Variants in NRG3 observed in about 807,000 individuals in gnomAD.
The protein encoded by NRG3 is pro-neuregulin-3, membrane-bound isoform.
NRG3 carries 31 observed loss-of-function variants against 66.9 expected under a neutral mutation model. The ratio of observed to expected loss-of-function variants is 0.46; its 90% CI spans 0.35 to 0.63. The LOEUF (loss-of-function observed/expected upper bound fraction) is 0.63, where lower values mean the gene tolerates loss of function less well. Among genes scored for constraint, NRG3 ranks in the 20% least tolerant of loss-of-function variants. NRG3 has a pLI of 0.00. For synonymous variants in NRG3, 393 were observed against 359.4 expected, an observed-to-expected ratio of 1.09 and a Z score of -1.06; for missense variants, 910 against 878.9, an observed-to-expected ratio of 1.04 and a Z score of -0.45.
chr10:82,144,470 C>A (rs1025421355), intron 1 of NRG3, among the ~76,000 whole-genome samples: 2 of 152,120 alleles, frequency 1.3e-5, no homozygotes, highest in Non-Finnish European at 2.9e-5. Context: ...TCATGGCCTC[C>A]CCTTTGGTGA....
chr10:82,562,651 T>TG, intron 2 of NRG3, among the ~76,000 whole-genome samples: 1 of 152,172 alleles, frequency 6.6e-6, no homozygotes, highest in East Asian at 1.9e-4. Context: ...AACCAACTCA[T>TG]GGCTGAATAT....
chr10:82,720,810 C>CATATACATACAT (rs571675177), intron 2 of NRG3, among the ~76,000 whole-genome samples: 3 of 114,740 alleles, frequency 2.6e-5, no homozygotes, highest in African/African-American at 4.4e-5. Context: ...GTATTTTATA[C>CATATACATACAT]ATATATATAT....
intron 4 of NRG3, among the ~76,000 whole-genome samples, chr10:82,892,313 G>A (rs997710696): frequency 2.6e-5 from 4 of 151,976 alleles, no homozygotes; most frequent in African/African-American, 9.7e-5. Context: ...AAATGAAAGA[G>A]GCAAGAGGAA....
At chr10:82,553,452 C>T (rs1364523513) in intron 2 of NRG3, among the ~76,000 whole-genome samples, 1 of 152,076 alleles carries the variant, frequency 6.6e-6, no homozygotes, top group Non-Finnish European at 1.5e-5. Flanking sequence ...CATCCATGAT[C>T]ATTGTGTACC....
At chr10:82,148,821 A>T (rs181963800) in intron 1 of NRG3, among the ~76,000 whole-genome samples, 285 of 152,100 alleles carry the variant, frequency 1.9e-3, no homozygotes, top group Non-Finnish European at 3.6e-3. Flanking sequence ...AATTTCTATG[A>T]CTTTCCTTTT....
At position 82,369,320 on chromosome 10, in the gene NRG3, A is replaced by G. The variant is rs1292697864; in HGVS notation, c.953+10452A>G. Among the ~76,000 whole-genome samples, 2 of 138,128 alleles carry G rather than the reference A, an allele frequency of 1.4e-5. 1 individual carries two copies. Among genetic ancestry groups the G allele is most frequent in the African/African-American group, 6.8e-5 (2 of 29,570 alleles). The allele number at this position is 138,128 out of a possible 152,430, so 90.6% of individuals were successfully genotyped here. On this transcript the variant is annotated intron_variant, in intron 2 of 8. Transcript: ENST00000372141. Reference sequence around the variant, plus strand: ...TTATGTACTCTACTTATTTTTAGAGATAGGTTCTTGCTCTATTGCTTAGGT... The same window carrying G: ...TTATGTACTCTACTTATTTTTAGAGGTAGGTTCTTGCTCTATTGCTTAGGT...
At chr10:82,473,652 C>A (rs1042796804) in intron 2 of NRG3, among the ~76,000 whole-genome samples, 3 of 152,154 alleles carry the variant, frequency 2.0e-5, no homozygotes, top group African/African-American at 7.2e-5. Flanking sequence ...TTCCCAGTGT[C>A]GTTCAGCACA....
At chr10:82,561,142 TTGTC>T (rs1210691996) in intron 2 of NRG3, among the ~76,000 whole-genome samples, 1 of 152,220 alleles carries the variant, frequency 6.6e-6, no homozygotes, top group Non-Finnish European at 1.5e-5. Context: ...ATCTTTGTAA[TTGTC>T]TGCTATTTAA....
At chr10:82,813,047 A>G (rs1157296728) in intron 3 of NRG3, among the ~76,000 whole-genome samples, 1 of 152,140 alleles carries the variant, frequency 6.6e-6, no homozygotes, top group African/African-American at 2.4e-5. Context: ...AACTCAAGAA[A>G]TTTATCAGCA....
chr10:82,679,695 C>T (rs997264493), intron 2 of NRG3, among the ~76,000 whole-genome samples: 15 of 152,040 alleles, frequency 9.9e-5, no homozygotes, highest in African/African-American at 3.6e-4. Flanking sequence ...AGTGACATAT[C>T]TCAATCTTCA....
chr10:82,892,044 T>A (rs1043861120), intron 4 of NRG3, among the ~76,000 whole-genome samples: 2 of 152,164 alleles, frequency 1.3e-5, no homozygotes, highest in African/African-American at 4.8e-5. Flanking sequence ...GTTATTGTAA[T>A]AGTAAAATTG....
At chr10:82,183,086 C>T (rs577460931) in intron 1 of NRG3, among the ~76,000 whole-genome samples, 1 of 152,082 alleles carries the variant, frequency 6.6e-6, no homozygotes, top group African/African-American at 2.4e-5. Flanking sequence ...TTATATGTGT[C>T]AGTGTGGACT....
At chr10:82,024,032 A>G (rs1221361207) in intron 1 of NRG3, among the ~76,000 whole-genome samples, 1 of 151,922 alleles carries the variant, frequency 6.6e-6, no homozygotes, top group Non-Finnish European at 1.5e-5. Flanking sequence ...CTCATTACTT[A>G]TTATTGGCTT....
At chr10:82,563,289 C>T (rs995156894) in intron 2 of NRG3, among the ~76,000 whole-genome samples, 2 of 152,012 alleles carry the variant, frequency 1.3e-5, no homozygotes, top group East Asian at 1.9e-4. Context: ...TGTACATATG[C>T]GTGCTTAACA....
chr10:82,151,274 G>A (rs1417476206), intron 1 of NRG3, among the ~76,000 whole-genome samples: 1 of 152,202 alleles, frequency 6.6e-6, no homozygotes, highest in African/African-American at 2.4e-5. Context: ...CTGAAATAAT[G>A]CATGACTAAG....
intron 4 of NRG3, among the ~76,000 whole-genome samples, chr10:82,940,722 C>G (rs1848509358): frequency 6.6e-6 from 1 of 151,884 alleles, no homozygotes; most frequent in Non-Finnish European, 1.5e-5. Context: ...CTTGTTGTAC[C>G]CTCACATGGT....
chr10:82,657,402 A>AT (rs1320196643), intron 2 of NRG3, among the ~76,000 whole-genome samples: 10 of 151,804 alleles, frequency 6.6e-5, no homozygotes, highest in South Asian at 2.1e-4. Context: ...GTTTTTACTT[A>AT]TTTTTTCTTT....
At chr10:82,933,235 C>G (rs1452774648) in intron 4 of NRG3, among the ~76,000 whole-genome samples, 1 of 149,762 alleles carries the variant, frequency 6.7e-6, no homozygotes, top group Admixed American at 6.7e-5. Flanking sequence ...AGGACTGTGG[C>G]TTTTATTTAT....
chr10:82,036,287 C>T (rs2062787362), intron 1 of NRG3, among the ~76,000 whole-genome samples: 1 of 152,086 alleles, frequency 6.6e-6, no homozygotes, highest in African/African-American at 2.4e-5. Flanking sequence ...TAGCATAAAA[C>T]AACCTGCAGT....
Sources: allele counts gnomAD v4.1 joint callset (sites outside exome capture counted in the v4.1 genomes callset), GRCh38; gene constraint gnomAD v4.1.1; transcripts MANE v1.5; gene names NCBI Gene and HGNC (gene_info 2026-07-23, HGNC 2026-07-21).